The following DUSP22 variants were observed in gnomAD, a reference collection of about 807,000 sequenced individuals.
The protein encoded by DUSP22 is dual specificity protein phosphatase 22.
Under a neutral mutation model 24.5 loss-of-function variants are expected in DUSP22, and 24 were observed. That is an observed-to-expected ratio of 0.98 (90% confidence interval 0.71 to 1.38). The LOEUF is 1.38. Ranked by LOEUF, DUSP22 falls within the 40% of genes most tolerant of loss-of-function variation. The pLI, the probability that DUSP22 is intolerant of heterozygous loss-of-function variation, is 0.00. For synonymous variants in DUSP22, 160 were observed against 106.4 expected (o/e 1.50, Z -3.10); for missense variants, 330 against 269.2 (o/e 1.23, Z -1.58).
At chr6:311,257 G>C (rs1758073596) in intron 2 of DUSP22, among the ~76,000 whole-genome samples, 1 of 152,424 alleles carries the variant, frequency 6.6e-6, no homozygotes, top group Non-Finnish European at 1.5e-5. Flanking sequence ...TTAGCTCAAG[G>C]GGGAGGGAGA....
intron 1 of DUSP22, among the ~76,000 whole-genome samples, chr6:299,787 T>C (rs2666943): frequency 1 from 152,038 of 152,430 alleles, 75,823 homozygotes; most frequent in Middle Eastern, 1. Context: ...TCCCCAGCAC[T>C]AGGCCCATGC....
chr6:350,600 G>A lies in DUSP22; in HGVS notation c.*1649G>A. ...AGGCCCCGGATGTACACCCGGAAAG[G>A]GGAGTGTGGCTGTAGAATCATCCAT... On this transcript the variant is annotated 3_prime_UTR_variant, in exon 7 of 7. Coordinates refer to ENST00000419235, the MANE Select transcript of DUSP22 (RefSeq NM_001286555.3). 7.0e-7 allele frequency: 1 copy of A among 1,433,368 alleles called. No homozygotes were observed. Among genetic ancestry groups the A allele is most frequent in the African/African-American group, 1.4e-5 (1 of 69,900 alleles). The allele number at this position is 1,433,368 out of a possible 1,614,324, so 88.8% of individuals were successfully genotyped here.
chr6:338,331 C>A (rs1172597891), intron 4 of DUSP22, among the ~76,000 whole-genome samples: 1 of 152,066 alleles, frequency 6.6e-6, no homozygotes, highest in Non-Finnish European at 1.5e-5. Context: ...TTTCTTTTTA[C>A]CTGTTACAAG....
At chr6:339,701 G>A (rs1441509092) in intron 4 of DUSP22, among the ~76,000 whole-genome samples, 23 of 152,286 alleles carry the variant, frequency 1.5e-4, no homozygotes, top group Non-Finnish European at 2.5e-4. Flanking sequence ...GGGAGAAGAA[G>A]CTTTAGCAAT....
intron 3 of DUSP22, among the ~76,000 whole-genome samples, chr6:334,586 A>C (rs1401260678): frequency 6.6e-6 from 1 of 152,308 alleles, no homozygotes; most frequent in East Asian, 1.9e-4. Context: ...AGCAAGCAAA[A>C]TAAAACAAAT....
intron 1 of DUSP22, among the ~76,000 whole-genome samples, chr6:294,101 A>AAT (rs1173396848): frequency 6.6e-6 from 1 of 152,300 alleles, no homozygotes; most frequent in Non-Finnish European, 1.5e-5. Context: ...CAATTCAAAA[A>AAT]ATATATTTAG....
At chr6:316,771 G>C (rs1178774557) in intron 3 of DUSP22, among the ~76,000 whole-genome samples, 1 of 152,298 alleles carries the variant, frequency 6.6e-6, no homozygotes, top group Non-Finnish European at 1.5e-5. Flanking sequence ...GTTTTAAGAA[G>C]TATTCTCATG....
At chr6:345,475 G>A (rs535997315) in intron 4 of DUSP22, among the ~76,000 whole-genome samples, 2 of 152,304 alleles carry the variant, frequency 1.3e-5, no homozygotes, top group Non-Finnish European at 2.9e-5. Flanking sequence ...CTCCCAAATT[G>A]CTGGGATTAC....
intron 4 of DUSP22, among the ~76,000 whole-genome samples, chr6:342,181 A>G (rs1759637684): frequency 6.6e-6 from 1 of 152,310 alleles, no homozygotes; most frequent in Non-Finnish European, 1.5e-5. Context: ...TGGTCTTTGC[A>G]GTGTGTTCTG....
At chr6:339,633 T>G (rs1759512054) in intron 4 of DUSP22, among the ~76,000 whole-genome samples, 1 of 152,306 alleles carries the variant, frequency 6.6e-6, no homozygotes, top group Non-Finnish European at 1.5e-5. Flanking sequence ...GTAGCGCCTT[T>G]GTGACATTCA....
intron 1 of DUSP22, among the ~76,000 whole-genome samples, chr6:303,970 GTTC>G (rs1172793888): frequency 2.0e-5 from 3 of 152,306 alleles, no homozygotes; most frequent in African/African-American, 4.8e-5. Context: ...ACAAAGACGT[GTTC>G]TTCTTAACCT....
intron 1 of DUSP22, among the ~76,000 whole-genome samples, chr6:295,815 A>C (rs1232589370): frequency 7.2e-5 from 11 of 152,222 alleles, no homozygotes; most frequent in Non-Finnish European, 1.5e-4. Context: ...AAAAAAAAAA[A>C]AAACCCAACA....
At chr6:311,167 T>C (rs1369277687) in intron 2 of DUSP22, among the ~76,000 whole-genome samples, 3 of 152,200 alleles carry the variant, frequency 2.0e-5, no homozygotes, top group South Asian at 4.1e-4. Flanking sequence ...CTATACGATA[T>C]TGAACTATGA....
rs571986810 is a variant in DUSP22, at chr6:333,924, A to G, written c.139-1190A>G. ...CCTGTATTGGAAAAGTAGGACTCAC[A>G]ATGTCAGGGGCTATTAAAATGTGTA... is the stretch of plus-strand genomic sequence containing the variant. On this transcript the variant is annotated intron_variant, in intron 3 of 6. Transcript: ENST00000419235. Among the ~76,000 whole-genome samples the G allele has an allele frequency of 1.5e-4, 23 of 152,414 alleles. No homozygotes were observed. In the East Asian group the frequency reaches 2.9e-3, roughly 19 times the overall value.
chr6:304,700 A>G (rs771627323), intron 2 of DUSP22, 39 bp downstream of exon 2: 9 of 1,612,164 alleles, frequency 5.6e-6, no homozygotes, highest in South Asian at 4.4e-5. Flanking sequence ...TAAAATACAC[A>G]TAACATAAAA....
chr6:306,668 C>T (rs560472655), intron 2 of DUSP22, among the ~76,000 whole-genome samples: 10 of 152,424 alleles, frequency 6.6e-5, no homozygotes, highest in South Asian at 4.1e-4. Context: ...AGTGAATTGG[C>T]GAGTGGCTCG....
rs1053746980 is a variant in DUSP22 at position 350,740 on chromosome 6, C to T, written c.*1789C>T. The T allele has an allele frequency of 1.1e-5, 18 of 1,612,716 alleles. No individual in the cohort carries two copies. Among genetic ancestry groups the T allele is most frequent in the Non-Finnish European group, 1.4e-5 (17 of 1,179,346 alleles). On this transcript the variant is annotated 3_prime_UTR_variant, in exon 7 of 7. Transcript: ENST00000419235. ...AGCTTGAATGCTTAAATATGTGCAC[C>T]TTTACAAACCTCTCAGTGTATTCTT... is the stretch of plus-strand genomic sequence containing the variant.
intron 1 of DUSP22, among the ~76,000 whole-genome samples, chr6:296,694 C>G (rs947511213): frequency 6.6e-6 from 1 of 152,300 alleles, no homozygotes; most frequent in Admixed American, 6.5e-5. Flanking sequence ...AAAAACAAAA[C>G]AAACGACTAG....
chr6:327,156 A>T (rs995709582), intron 3 of DUSP22, among the ~76,000 whole-genome samples: 4 of 152,306 alleles, frequency 2.6e-5, no homozygotes, highest in Admixed American at 2.6e-4. Flanking sequence ...CATTACTGAG[A>T]GGAAACTAAG....
Sources: allele counts gnomAD v4.1 joint callset (sites outside exome capture counted in the v4.1 genomes callset), GRCh38; gene constraint gnomAD v4.1.1; transcripts MANE v1.5; gene names NCBI Gene and HGNC (gene_info 2026-07-23, HGNC 2026-07-21).